MSH4: variants seen among roughly 807,000 people sequenced by gnomAD.
The protein encoded by MSH4 is mutS protein homolog 4.
A neutral mutation model predicts 113.7 loss-of-function variants in MSH4; 106 were observed. The observed-to-expected ratio is 0.93, with a 90% confidence interval of 0.80 to 1.10. The LOEUF is 1.10. Among genes scored for constraint, MSH4 ranks in the 50% least tolerant of loss-of-function variants. MSH4 has a pLI of 0.00. For missense variants in MSH4, 1,061 were observed against 1,093.7 expected (o/e 0.97, Z 0.42); for synonymous variants, 368 against 380.2 (o/e 0.97, Z 0.37).
intron 7 of MSH4, among the ~76,000 whole-genome samples, chr1:75,847,623 T>C (rs1049393603): frequency 6.6e-6 from 1 of 152,158 alleles, no homozygotes; most frequent in East Asian, 1.9e-4. Context: ...GAGTATGGCA[T>C]TGGCATCTAC....
rs1557521077 is a variant in MSH4 at position 75,880,142 on chromosome 1, CAT to C, written c.1771_1772del (p.Met591AspfsTer10). On this transcript the variant is annotated frameshift_variant, in exon 13 of 20. Transcript: ENST00000263187. LOFTEE classifies it high-confidence loss of function. ...CQESLREIYHMTYMIVCKLLS... is the reference protein window; with the variant it reads ...CQESLREIYHXTYMIVCKLLS... ...AAGAATCTTTGAGAGAAATCTATCA[CAT>C]GACTTATATGTAAGAGCATTTGAAG... 1 of 1,531,908 alleles carries C rather than the reference CAT, an allele frequency of 6.5e-7. No individual in the cohort carries two copies. Among genetic ancestry groups the C allele is most frequent in the East Asian group, 2.3e-5 (1 of 44,132 alleles). The allele number at this position is 1,531,908 out of a possible 1,614,324, so 94.9% of individuals were successfully genotyped here.
intron 7 of MSH4, among the ~76,000 whole-genome samples, chr1:75,830,379 A>T (rs1650655902): frequency 6.6e-6 from 1 of 152,236 alleles, no homozygotes; most frequent in Admixed American, 6.5e-5. Flanking sequence ...GATATTATCC[A>T]GGAGAACTTC....
chr1:75,855,747 C>T (rs1003613359), intron 8 of MSH4, among the ~76,000 whole-genome samples: 3 of 152,154 alleles, frequency 2.0e-5, no homozygotes, highest in Admixed American at 2.0e-4. Context: ...ATCATTGTAA[C>T]AATTACTAAC....
At chr1:75,829,322 G>A (rs1156345398) in intron 7 of MSH4, among the ~76,000 whole-genome samples, 2 of 152,186 alleles carry the variant, frequency 1.3e-5, no homozygotes, top group Non-Finnish European at 2.9e-5. Context: ...GCAGCTCAAG[G>A]AGGCCTGCCT....
intron 8 of MSH4, among the ~76,000 whole-genome samples, chr1:75,855,119 C>A (rs1040900471): frequency 4.0e-5 from 6 of 151,844 alleles, no homozygotes; most frequent in African/African-American, 1.5e-4. Flanking sequence ...TTTACTTTAG[C>A]CTTGACCTCC....
intron 19 of MSH4, among the ~76,000 whole-genome samples, chr1:75,905,066 T>G (rs1652592863): frequency 6.6e-6 from 1 of 151,986 alleles, no homozygotes; most frequent in Non-Finnish European, 1.5e-5. Context: ...ATCTCTATTA[T>G]TTCTTTTCTT....
At chr1:75,822,665 C>T (rs1650448234) in intron 7 of MSH4, 84 bp downstream of exon 7, 1 of 718,848 alleles carries the variant, frequency 1.4e-6, no homozygotes, top group African/African-American at 1.9e-5. Context: ...TTCTGAAAGA[C>T]AAGTAGTGAA....
intron 19 of MSH4, among the ~76,000 whole-genome samples, chr1:75,909,631 C>A (rs947275327): frequency 2.0e-5 from 3 of 151,668 alleles, no homozygotes; most frequent in Admixed American, 2.0e-4. Flanking sequence ...CTAATGCTAT[C>A]CCTCCCTTTG....
At chr1:75,864,333 C>A (rs1170539960) in intron 8 of MSH4, among the ~76,000 whole-genome samples, 5 of 152,054 alleles carry the variant, frequency 3.3e-5, no homozygotes, top group Non-Finnish European at 5.9e-5. Context: ...AATCTTGTAC[C>A]CATCTCTTAA....
intron 19 of MSH4, among the ~76,000 whole-genome samples, chr1:75,902,606 G>C (rs186722065): frequency 3.5e-4 from 49 of 141,430 alleles, no homozygotes; most frequent in African/African-American, 1.2e-3. Context: ...TGTTTAGGTT[G>C]GTTCTATGAC....
chr1:75,804,312 G>T (rs2100503103), intron 2 of MSH4, among the ~76,000 whole-genome samples: 1 of 151,964 alleles, frequency 6.6e-6, no homozygotes, highest in East Asian at 1.9e-4. Context: ...AGGTTTTCAT[G>T]TATAACAGTT....
chr1:75,869,513 A>G (rs1651664990), intron 9 of MSH4, among the ~76,000 whole-genome samples: 1 of 152,182 alleles, frequency 6.6e-6, no homozygotes, highest in Admixed American at 6.5e-5. Context: ...TTACAGGCCC[A>G]GAGATCTAGG....
intron 6 of MSH4, among the ~76,000 whole-genome samples, chr1:75,819,918 G>A (rs1309583567): frequency 3.3e-5 from 5 of 151,946 alleles, no homozygotes; most frequent in Admixed American, 2.0e-4. Flanking sequence ...GTTTCACCAT[G>A]TTGGCCAGGC....
intron 1 of MSH4, among the ~76,000 whole-genome samples, chr1:75,801,260 G>A (rs1003073878): frequency 6.6e-6 from 1 of 152,072 alleles, no homozygotes; most frequent in African/African-American, 2.4e-5. Flanking sequence ...TTTGCCATCT[G>A]GTCCTTTATT....
In MSH4 at chr1:75,804,733, A is replaced by C. The variant is rs189433699; in HGVS notation, c.427+820A>C. ...ACCATACTGGCCAGGCTGGTCTCGA[A>C]CTCCTGACCTCATGATCCACCCACC... On this transcript the variant is annotated intron_variant, in intron 2 of 19. Coordinates refer to ENST00000263187, the MANE Select transcript of MSH4 (RefSeq NM_002440.4). 2.5e-3 allele frequency among the ~76,000 whole-genome samples: 376 copies of C among 150,816 alleles called. 2 individuals carry two copies. The highest frequency in any genetic ancestry group is 8.9e-3 in the African/African-American group (367 of 41,068).
intron 4 of MSH4, among the ~76,000 whole-genome samples, chr1:75,812,133 A>G (rs1650203307): frequency 6.6e-6 from 1 of 152,188 alleles, no homozygotes; most frequent in African/African-American, 2.4e-5. Flanking sequence ...AATCTAATGT[A>G]AACTACCTTA....
chr1:75,828,033 G>A (rs907519789), intron 7 of MSH4, among the ~76,000 whole-genome samples: 1 of 152,124 alleles, frequency 6.6e-6, no homozygotes, highest in Non-Finnish European at 1.5e-5. Context: ...AGACATACAA[G>A]TGACCAATAA....
chr1:75,863,158 T>A (rs1651495446), intron 8 of MSH4, among the ~76,000 whole-genome samples: 1 of 152,160 alleles, frequency 6.6e-6, no homozygotes, highest in African/African-American at 2.4e-5. Flanking sequence ...AAGTATATGA[T>A]TCCTTCTTTG....
At chr1:75,836,664 A>G (rs943021871) in intron 7 of MSH4, among the ~76,000 whole-genome samples, 27 of 152,112 alleles carry the variant, frequency 1.8e-4, no homozygotes, top group Admixed American at 1.6e-3. Flanking sequence ...AATGTCCACA[A>G]TTTATTTGAT....
Sources: gnomAD v4.1 joint callset for allele counts (sites outside exome capture counted in the v4.1 genomes callset) on GRCh38, gnomAD v4.1.1 for gene constraint, MANE v1.5 for transcripts, NCBI Gene and HGNC (gene_info 2026-07-23, HGNC 2026-07-21) for gene names.